The following TOX variants were observed in gnomAD, a reference collection of about 807,000 sequenced individuals.
TOX encodes thymocyte selection-associated high mobility group box protein TOX.
A neutral mutation model predicts 53.7 loss-of-function variants in TOX; 11 were observed. That is an observed-to-expected ratio of 0.20 (90% CI 0.13 to 0.34). The LOEUF (loss-of-function observed/expected upper bound fraction) is 0.34. Ranked by LOEUF, TOX falls within the 10% of genes least tolerant of loss-of-function variation. TOX has a pLI of 1.00. For missense variants in TOX, 570 were observed against 664.6 expected, an observed-to-expected ratio of 0.86 and a Z score of 1.56; for synonymous variants, 225 against 245.3, an observed-to-expected ratio of 0.92 and a Z score of 0.77.
intron 1 of TOX, among the ~76,000 whole-genome samples, chr8:59,116,476 T>C (rs111598024): frequency 6.7e-4 from 102 of 152,352 alleles, no homozygotes; most frequent in Middle Eastern, 3.4e-3. Flanking sequence ...GACTGCATTA[T>C]GCACAACTAC....
At chr8:59,055,046 C>G (rs1386711693) in intron 1 of TOX, among the ~76,000 whole-genome samples, 1 of 152,020 alleles carries the variant, frequency 6.6e-6, no homozygotes, top group African/African-American at 2.4e-5. Flanking sequence ...AAAAATCTAA[C>G]TAGCTTCATT....
Position 58,807,564 on chromosome 8 carries a change from A to G in TOX, c.*183T>C. 1.6e-6 allele frequency: 1 copy of G among 609,494 alleles called. No homozygotes were observed. The highest frequency in any genetic ancestry group is 2.8e-6 in the Non-Finnish European group (1 of 352,112). 37.8% of individuals were successfully genotyped at this position (609,494 alleles called of 1,614,324 possible). Reference sequence around the variant, plus strand: ...GAAAAACAATGTCCATAAAGGATTAAAAAAATAATAAAGAAGCATGACTAT... The same window carrying G: ...GAAAAACAATGTCCATAAAGGATTAGAAAAATAATAAAGAAGCATGACTAT... On this transcript the variant is annotated 3_prime_UTR_variant, in exon 9 of 9. Coordinates refer to ENST00000361421, the MANE Select transcript of TOX (RefSeq NM_014729.3).
At chr8:59,036,957 C>T (rs1814471219) in intron 1 of TOX, among the ~76,000 whole-genome samples, 2 of 152,190 alleles carry the variant, frequency 1.3e-5, no homozygotes, top group Admixed American at 1.3e-4. Flanking sequence ...GCCTTCAAAA[C>T]AATGGTCTTT....
intron 3 of TOX, among the ~76,000 whole-genome samples, chr8:58,904,331 T>C (rs1033966681): frequency 1.3e-5 from 2 of 152,156 alleles, no homozygotes; most frequent in Non-Finnish European, 2.9e-5. Flanking sequence ...TTATGGCTTC[T>C]ATGTGATACT....
At chr8:58,859,150 T>C (rs1014096826) in intron 3 of TOX, among the ~76,000 whole-genome samples, 6 of 152,204 alleles carry the variant, frequency 3.9e-5, no homozygotes, top group African/African-American at 1.4e-4. Flanking sequence ...TAGAAATGTG[T>C]ACTTTAAATA....
At chr8:59,081,238 G>T (rs1804401372) in intron 1 of TOX, among the ~76,000 whole-genome samples, 1 of 151,980 alleles carries the variant, frequency 6.6e-6, no homozygotes, top group Non-Finnish European at 1.5e-5. Flanking sequence ...TGTTGGCCAG[G>T]GTGGTCTCAA....
intron 1 of TOX, among the ~76,000 whole-genome samples, chr8:59,104,325 T>G (rs538262875): frequency 2.0e-5 from 3 of 152,218 alleles, no homozygotes; most frequent in South Asian, 2.1e-4. Flanking sequence ...CCCTCCCGGT[T>G]TGCCATGCCC....
chr8:59,092,263 T>TA (rs1554545748), intron 1 of TOX, among the ~76,000 whole-genome samples: 3 of 48,826 alleles, frequency 6.1e-5, no homozygotes, highest in Non-Finnish European at 1.0e-4. Context: ...TATATATATA[T>TA]TTTATATATA....
intron 3 of TOX, among the ~76,000 whole-genome samples, chr8:58,874,101 A>AGTCTAC (rs1811245246): frequency 6.6e-6 from 1 of 150,698 alleles, no homozygotes; most frequent in Non-Finnish European, 1.5e-5. Context: ...TCACCTAGTG[A>AGTCTAC]GTCTACTATA....
chr8:59,041,791 G>A (rs546212545), intron 1 of TOX, among the ~76,000 whole-genome samples: 5 of 152,274 alleles, frequency 3.3e-5, no homozygotes, highest in South Asian at 2.1e-4. Context: ...TAGGCAAGTC[G>A]ATGAAATCAA....
intron 3 of TOX, among the ~76,000 whole-genome samples, chr8:58,914,760 CG>C (rs372081953): frequency 0.31 from 47,032 of 151,820 alleles, 8,337 homozygotes; most frequent in Non-Finnish European, 0.39. Flanking sequence ...ACGCAGAAGA[CG>C]GGTGATTTCT....
chr8:58,939,091 T>C (rs1330447112), intron 3 of TOX, among the ~76,000 whole-genome samples: 3 of 152,188 alleles, frequency 2.0e-5, no homozygotes, highest in Admixed American at 6.6e-5. Flanking sequence ...TAAATACGAG[T>C]GACTGCACAA....
chr8:58,913,576 G>A (rs545989899), intron 3 of TOX, among the ~76,000 whole-genome samples: 15 of 152,108 alleles, frequency 9.9e-5, no homozygotes, highest in East Asian at 5.8e-4. Context: ...CTGTGGGGTC[G>A]TGGTAAAGTC....
rs560375294 is a variant in TOX, at chr8:59,005,292, C to T, written c.103-45284G>A. Among the ~76,000 whole-genome samples, 8 of 152,256 alleles carry T rather than the reference C, an allele frequency of 5.3e-5. No individual in the cohort carries two copies. The East Asian group carries it at 1.5e-3, about 29-fold the overall frequency. On this transcript the variant is annotated intron_variant, in intron 1 of 8. Transcript: ENST00000361421. ...TGACCTTGTGATCCACCTGCCTCGG[C>T]CTCCCAAAGTGCTGGGATTACAGGA...
chr8:58,815,300 A>G (rs1489390139), intron 7 of TOX, 38 bp downstream of exon 7: 1 of 1,541,728 alleles, frequency 6.5e-7, no homozygotes, highest in South Asian at 1.3e-5. Context: ...ACTTCAGAAT[A>G]GGGGTGCACA....
At chr8:58,855,166 C>T (rs758955995) in intron 3 of TOX, among the ~76,000 whole-genome samples, 83 of 152,234 alleles carry the variant, frequency 5.5e-4, no homozygotes, top group Admixed American at 1.4e-3. Flanking sequence ...TTTTCTACAA[C>T]GTCCCACCTC....
intron 3 of TOX, among the ~76,000 whole-genome samples, chr8:58,898,125 A>G (rs993600280): frequency 1.5e-4 from 23 of 152,178 alleles, no homozygotes; most frequent in African/African-American, 4.8e-4. Context: ...ATATCTCATA[A>G]TTCTATGCAA....
intron 3 of TOX, among the ~76,000 whole-genome samples, chr8:58,893,781 A>G (rs1474666590): frequency 6.6e-6 from 1 of 152,224 alleles, no homozygotes; most frequent in East Asian, 1.9e-4. Context: ...GATACAACTG[A>G]ACATTGGACT....
chr8:59,112,910 T>C (rs1024886156), intron 1 of TOX, among the ~76,000 whole-genome samples: 2 of 152,350 alleles, frequency 1.3e-5, no homozygotes, highest in Non-Finnish European at 2.9e-5. Context: ...TAATTGTTAA[T>C]AGCATACAAT....
Sources: gnomAD v4.1 joint callset for allele counts (sites outside exome capture counted in the v4.1 genomes callset) on GRCh38, gnomAD v4.1.1 for gene constraint, MANE v1.5 for transcripts, NCBI Gene and HGNC (gene_info 2026-07-23, HGNC 2026-07-21) for gene names.